Variants in ADARB2 observed in about 807,000 individuals in gnomAD.
ADARB2 encodes adenosine deaminase RNA specific B2 (inactive).
In ADARB2, 25 loss-of-function variants were observed where a neutral mutation model predicts 62.2. The observed-to-expected ratio is 0.40, with a 90% CI of 0.29 to 0.56. ADARB2 has a LOEUF of 0.56. ADARB2 is among the 20% of genes least tolerant of loss of function. The pLI is 0.43. For synonymous variants in ADARB2, 572 were observed against 500.8 expected (o/e 1.14, Z -1.90); for missense variants, 1,071 against 1,077.4 (o/e 0.99, Z 0.08).
chr10:1,363,628 C>T lies in ADARB2; in HGVS notation c.477G>A (p.Ala159=), dbSNP rs1832283648. 5 of 1,605,038 alleles carry T rather than the reference C, an allele frequency of 3.1e-6. No individual in the cohort carries two copies. The highest frequency in any genetic ancestry group is 4.3e-6 in the Non-Finnish European group (5 of 1,175,930). Reference sequence around the variant, plus strand: ...CGAACGTGAGCCCGTTCACCTCCACCGCTACCGCGAAGACCGGGGCATGCA... The same window carrying T: ...CGAACGTGAGCCCGTTCACCTCCACTGCTACCGCGAAGACCGGGGCATGCA... ...GPVHAPVFAV[A]VEVNGLTFEG... Residue 159 remains alanine, a synonymous_variant, in exon 3 of 10, where the codon GCG becomes GCA. Coordinates refer to ENST00000381312, the MANE Select transcript of ADARB2 (RefSeq NM_018702.4).
intron 1 of ADARB2, among the ~76,000 whole-genome samples, chr10:1,492,776 G>A (rs1335688220): frequency 1.3e-5 from 2 of 152,084 alleles, no homozygotes; most frequent in Non-Finnish European, 2.9e-5. Flanking sequence ...CAGCTGGAGG[G>A]GAGCAGGTAG....
intron 1 of ADARB2, among the ~76,000 whole-genome samples, chr10:1,696,360 G>A (rs535077410): frequency 6.6e-6 from 1 of 152,246 alleles, no homozygotes. Flanking sequence ...ATGTGTAGAG[G>A]CAGTGAGTGA....
intron 1 of ADARB2, among the ~76,000 whole-genome samples, chr10:1,693,893 C>T (rs1834703898): frequency 6.6e-6 from 1 of 152,334 alleles, no homozygotes. Context: ...GATGGGCAGG[C>T]TGGTCATACA....
At position 1,737,398 on chromosome 10, in the gene ADARB2, G is replaced by A; in HGVS notation, c.-248C>T. 1 of 472,976 alleles carries A rather than the reference G, an allele frequency of 2.1e-6. No individual in the cohort carries two copies. Among genetic ancestry groups the A allele is most frequent in the Non-Finnish European group, 3.8e-6 (1 of 262,394 alleles). 29.3% of individuals were successfully genotyped at this position (472,976 alleles called of 1,614,324 possible). A position where few individuals can be genotyped will look rare whatever the true frequency, so the allele number is the denominator to read the frequency against. ...GAGCGAGCTGCTCCCTGGTCAGGGA[G>A]GGCGGGGAAGGGCGCGCGGCGTCCT... On this transcript the variant is annotated 5_prime_UTR_variant, in exon 1 of 10. Transcript: ENST00000381312.
intron 1 of ADARB2, among the ~76,000 whole-genome samples, chr10:1,627,638 A>G (rs866740629): frequency 1.3e-5 from 2 of 152,206 alleles, no homozygotes; most frequent in Non-Finnish European, 2.9e-5. Flanking sequence ...CTGGTTTGTC[A>G]TAAGAAATGG....
At chr10:1,308,041 TG>T (rs1831647633) in intron 3 of ADARB2, among the ~76,000 whole-genome samples, 1 of 149,346 alleles carries the variant, frequency 6.7e-6, no homozygotes, top group African/African-American at 2.5e-5. Flanking sequence ...GTAACTAACC[TG>T]CACAATGTGC....
intron 1 of ADARB2, among the ~76,000 whole-genome samples, chr10:1,407,865 G>C (rs1223350769): frequency 6.6e-6 from 1 of 152,212 alleles, no homozygotes; most frequent in Non-Finnish European, 1.5e-5. Context: ...GAACTGGGCA[G>C]ACAGACCCAA....
At chr10:1,563,720 A>G (rs11250626) in intron 1 of ADARB2, among the ~76,000 whole-genome samples, 56,104 of 145,272 alleles carry the variant, frequency 0.39, 11,307 homozygotes, top group Non-Finnish European at 0.43. Context: ...ATGCTGGTGC[A>G]CTGCACCCAC....
chr10:1,595,150 G>A (rs2676186), intron 1 of ADARB2, among the ~76,000 whole-genome samples: 2 of 152,164 alleles, frequency 1.3e-5, no homozygotes, highest in Non-Finnish European at 2.9e-5. Context: ...CATAGCCGAG[G>A]TTCCTCCGCA....
chr10:1,242,447 G>A (rs1024587958), intron 4 of ADARB2, 148 bp from the exon 5 acceptor site: 2 of 1,128,656 alleles, frequency 1.8e-6, no homozygotes, highest in African/African-American at 3.1e-5. Context: ...CGAGGCTTCT[G>A]TGTGCTCCAG....
At chr10:1,603,693 C>T (rs201846991) in intron 1 of ADARB2, among the ~76,000 whole-genome samples, 1 of 143,542 alleles carries the variant, frequency 7.0e-6, no homozygotes, top group Non-Finnish European at 1.5e-5. Flanking sequence ...GAGCTGTGAT[C>T]TTTTTTTTTT....
intron 3 of ADARB2, among the ~76,000 whole-genome samples, chr10:1,346,734 G>A (rs1318552117): frequency 6.6e-6 from 1 of 152,244 alleles, no homozygotes; most frequent in Non-Finnish European, 1.5e-5. Flanking sequence ...TGGGGCAGCA[G>A]GCCGGGAGCC....
chr10:1,388,412 G>T (rs776739790), intron 1 of ADARB2, among the ~76,000 whole-genome samples: 1 of 152,088 alleles, frequency 6.6e-6, no homozygotes, highest in Non-Finnish European at 1.5e-5. Context: ...AAGTCATAGA[G>T]ATTGGAAAGG....
chr10:1,614,084 C>G (rs1269083485), intron 1 of ADARB2, among the ~76,000 whole-genome samples: 1 of 152,098 alleles, frequency 6.6e-6, no homozygotes, highest in African/African-American at 2.4e-5. Flanking sequence ...ATCACTGATA[C>G]AACACACAGA....
At chr10:1,686,698 T>C (rs1834600725) in intron 1 of ADARB2, among the ~76,000 whole-genome samples, 1 of 149,368 alleles carries the variant, frequency 6.7e-6, no homozygotes. Context: ...GTAGACACTT[T>C]AAGGTCAAAG....
intron 1 of ADARB2, among the ~76,000 whole-genome samples, chr10:1,666,574 T>A (rs1834319090): frequency 1.3e-5 from 2 of 152,228 alleles, no homozygotes; most frequent in African/African-American, 4.8e-5. Context: ...ATCTGGGGTA[T>A]CCAGCGTCCT....
At chr10:1,591,534 G>A (rs1833253673) in intron 1 of ADARB2, among the ~76,000 whole-genome samples, 1 of 152,090 alleles carries the variant, frequency 6.6e-6, no homozygotes, top group Non-Finnish European at 1.5e-5. Context: ...GGGGTTGGGG[G>A]ACTGCTCCCT....
At chr10:1,348,891 G>A (rs1055147945) in intron 3 of ADARB2, among the ~76,000 whole-genome samples, 5 of 152,186 alleles carry the variant, frequency 3.3e-5, no homozygotes, top group African/African-American at 1.2e-4. Context: ...GCATGCAAGC[G>A]ACAGCGGCCC....
intron 1 of ADARB2, among the ~76,000 whole-genome samples, chr10:1,685,695 G>A (rs953950877): frequency 1.3e-5 from 2 of 152,322 alleles, no homozygotes; most frequent in Non-Finnish European, 1.5e-5. Flanking sequence ...GGGAGGCGAC[G>A]CAGGAGGGAC....
Sources: gnomAD v4.1 joint callset for allele counts (sites outside exome capture counted in the v4.1 genomes callset) on GRCh38, gnomAD v4.1.1 for gene constraint, MANE v1.5 for transcripts, NCBI Gene and HGNC (gene_info 2026-07-23, HGNC 2026-07-21) for gene names.